The following PDE1C variants were observed in gnomAD, a reference collection of about 807,000 sequenced individuals.
PDE1C encodes phosphodiesterase 1C.
A neutral mutation model predicts 93.1 loss-of-function variants in PDE1C; 62 were observed. That is an observed-to-expected ratio of 0.67 (90% CI 0.54 to 0.82). The LOEUF is 0.82. Ranked by LOEUF, PDE1C falls within the 40% of genes least tolerant of loss-of-function variation. PDE1C has a pLI of 0.00. For missense variants in PDE1C, 742 were observed against 884.6 expected, an observed-to-expected ratio of 0.84 and a Z score of 2.04; for synonymous variants, 325 against 310.1, an observed-to-expected ratio of 1.05 and a Z score of -0.50.
At chr7:32,384,860 C>T (rs914460191) in intron 1 of PDE1C, among the ~76,000 whole-genome samples, 2 of 152,168 alleles carry the variant, frequency 1.3e-5, no homozygotes, top group Non-Finnish European at 2.9e-5. Context: ...TGGGATTCTG[C>T]ATTTTTAATG....
At chr7:31,720,026 G>A in the PDE1C span, among the ~76,000 whole-genome samples, 143 of 151,062 alleles carry the variant, frequency 9.5e-4, no homozygotes, top group South Asian at 1.0e-3. Context: ...AGCCGGGCGC[G>A]GTGGCGGGCG....
intron 1 of PDE1C, among the ~76,000 whole-genome samples, chr7:32,414,308 A>G (rs1341436242): frequency 2.0e-5 from 3 of 152,166 alleles, no homozygotes; most frequent in African/African-American, 7.2e-5. Context: ...AAAAAGATGT[A>G]TAACTATATT....
intron 2 of PDE1C, among the ~76,000 whole-genome samples, chr7:31,919,814 A>C (rs1802381687): frequency 6.6e-6 from 1 of 152,166 alleles, no homozygotes; most frequent in Non-Finnish European, 1.5e-5. Context: ...TAAGTGTTGA[A>C]ACCCCAGGTT....
chr7:31,671,667 G>T, the PDE1C span, among the ~76,000 whole-genome samples: 1 of 152,198 alleles, frequency 6.6e-6, no homozygotes, highest in African/African-American at 2.4e-5. Flanking sequence ...CCTGTCTCAG[G>T]CCCTCTCCAC....
At chr7:31,679,728 C>T in the PDE1C span, among the ~76,000 whole-genome samples, 2 of 152,172 alleles carry the variant, frequency 1.3e-5, no homozygotes, top group Non-Finnish European at 2.9e-5. Context: ...TTGTGTCTGC[C>T]GTTATTACCA....
chr7:31,903,583 C>T (rs1162473026), intron 2 of PDE1C, among the ~76,000 whole-genome samples: 3 of 152,046 alleles, frequency 2.0e-5, no homozygotes, highest in African/African-American at 7.2e-5. Context: ...TCTTGTATAA[C>T]CTGCCAACCT....
At chr7:32,205,838 T>C (rs1480635424) in intron 2 of PDE1C, among the ~76,000 whole-genome samples, 1 of 152,068 alleles carries the variant, frequency 6.6e-6, no homozygotes. Context: ...GGTCTGCAGC[T>C]TCACCCCTGG....
chr7:31,913,814 A>C (rs1167786879), intron 2 of PDE1C, among the ~76,000 whole-genome samples: 5 of 152,178 alleles, frequency 3.3e-5, no homozygotes, highest in African/African-American at 1.2e-4. Flanking sequence ...TAGCTACTGA[A>C]CGGCATCTGT....
chr7:32,002,580 C>A (rs1325734821), intron 2 of PDE1C, among the ~76,000 whole-genome samples: 1 of 152,144 alleles, frequency 6.6e-6, no homozygotes, highest in Non-Finnish European at 1.5e-5. Context: ...AAGCACTTAA[C>A]AAATGTTAGT....
intron 17 of PDE1C, among the ~76,000 whole-genome samples, chr7:31,755,383 C>T (rs886866366): frequency 3.7e-4 from 57 of 152,110 alleles, no homozygotes; most frequent in African/African-American, 1.2e-3. Context: ...CTAGGACCAA[C>T]GAAGTCACTA....
At chr7:32,071,636 G>A (rs951262351), upstream of PDE1C, among the ~76,000 whole-genome samples, 87 of 152,156 alleles carry the variant, frequency 5.7e-4, no homozygotes, top group African/African-American at 1.9e-3. Context: ...GGCTGTGGAT[G>A]GTGACAAAGT....
intron 7 of PDE1C, among the ~76,000 whole-genome samples, chr7:31,857,805 G>A (rs767194842): frequency 1.3e-5 from 2 of 152,172 alleles, no homozygotes; most frequent in Non-Finnish European, 2.9e-5. Context: ...AGTTAAAAGA[G>A]ATAATTCTGT....
intron 11 of PDE1C, among the ~76,000 whole-genome samples, chr7:31,831,810 T>G (rs1257870682): frequency 6.7e-6 from 1 of 149,622 alleles, no homozygotes; most frequent in African/African-American, 2.5e-5. Context: ...AAGGAAGAGA[T>G]AAAAGAAAAA....
chr7:32,374,834 C>G (rs1323279224), intron 1 of PDE1C, among the ~76,000 whole-genome samples: 1 of 152,132 alleles, frequency 6.6e-6, no homozygotes, highest in African/African-American at 2.4e-5. Context: ...TCTGATATTA[C>G]AAGAATTCAA....
chr7:31,679,365 C>T, the PDE1C span, among the ~76,000 whole-genome samples: 4 of 152,190 alleles, frequency 2.6e-5, no homozygotes, highest in African/African-American at 9.7e-5. Flanking sequence ...GTTATAGCCG[C>T]TATTTTGAAT....
chr7:31,679,691 T>C, the PDE1C span, among the ~76,000 whole-genome samples: 1 of 152,236 alleles, frequency 6.6e-6, no homozygotes, highest in African/African-American at 2.4e-5. Context: ...GCTCCCTCTG[T>C]GTTCAGAAGC....
chr7:32,202,160 C>G (rs978568592), intron 2 of PDE1C, among the ~76,000 whole-genome samples: 1 of 152,212 alleles, frequency 6.6e-6, no homozygotes, highest in Non-Finnish European at 1.5e-5. Context: ...TTACATGTAT[C>G]ATCCATAAAC....
chr7:32,129,471 C>T (rs1392340415), intron 3 of PDE1C, among the ~76,000 whole-genome samples: 1 of 148,418 alleles, frequency 6.7e-6, no homozygotes, highest in Non-Finnish European at 1.5e-5. Context: ...TGATCAAATT[C>T]AGCATATTAA....
intron 3 of PDE1C, among the ~76,000 whole-genome samples, chr7:32,125,179 C>T (rs140960736): frequency 0.014 from 2,061 of 152,230 alleles, 24 homozygotes; most frequent in Non-Finnish European, 0.021. Context: ...TACCATCTCA[C>T]GCCAGTCAGA....
Sources: gnomAD v4.1 joint callset for allele counts (sites outside exome capture counted in the v4.1 genomes callset) on GRCh38, gnomAD v4.1.1 for gene constraint, MANE v1.5 for transcripts, NCBI Gene and HGNC (gene_info 2026-07-23, HGNC 2026-07-21) for gene names.